The following TSG101 variants were observed in gnomAD, a reference collection of about 807,000 sequenced individuals.
TSG101 encodes the protein tumor susceptibility gene 101 protein.
TSG101 carries 19 observed loss-of-function variants against 48.5 expected under a neutral mutation model. The ratio of observed to expected loss-of-function variants is 0.39; its 90% confidence interval spans 0.27 to 0.58. The LOEUF (loss-of-function observed/expected upper bound fraction) is 0.58, where lower values mean the gene tolerates loss of function less well. Ranked by LOEUF, TSG101 falls within the 20% of genes least tolerant of loss-of-function variation. The pLI is 0.55. For missense variants in TSG101, 365 were observed against 484.4 expected, an observed-to-expected ratio of 0.75 and a Z score of 2.31; for synonymous variants, 174 against 169.4, an observed-to-expected ratio of 1.03 and a Z score of -0.21.
At chr11:18,494,749 A>C (rs1447618784) in intron 7 of TSG101, among the ~76,000 whole-genome samples, 1 of 152,196 alleles carries the variant, frequency 6.6e-6, no homozygotes, top group Non-Finnish European at 1.5e-5. Context: ...GCAAGCGTGC[A>C]CTAGTAAACC....
intron 1 of TSG101, among the ~76,000 whole-genome samples, chr11:18,522,980 C>A (rs982560985): frequency 1.3e-5 from 2 of 152,184 alleles, no homozygotes; most frequent in East Asian, 1.9e-4. Flanking sequence ...ACCTCAAACT[C>A]CTGGGCTCAA....
intron 9 of TSG101, 136 bp from the exon 10 acceptor site, chr11:18,480,771 T>C: frequency 3.0e-6 from 2 of 677,476 alleles, no homozygotes; most frequent in East Asian, 2.8e-5. Flanking sequence ...GAATACCTCA[T>C]TATATGTGGC....
At chr11:18,508,216 G>A (rs1850007904) in intron 5 of TSG101, among the ~76,000 whole-genome samples, 1 of 147,672 alleles carries the variant, frequency 6.8e-6, no homozygotes, top group African/African-American at 2.5e-5. Context: ...GGAAATATTT[G>A]ATATCTTTTT....
intron 4 of TSG101, among the ~76,000 whole-genome samples, chr11:18,512,014 TATC>T (rs1342022794): frequency 1.3e-5 from 2 of 152,164 alleles, no homozygotes; most frequent in African/African-American, 4.8e-5. Flanking sequence ...AAGTTTTAAT[TATC>T]ATACCATTCC....
chr11:18,520,380 T>C (rs1850249853), intron 1 of TSG101, among the ~76,000 whole-genome samples: 1 of 152,092 alleles, frequency 6.6e-6, no homozygotes. Flanking sequence ...TGTGCCATCA[T>C]GCCCAGCTAA....
chr11:18,497,180 C>G (rs1849797557), intron 7 of TSG101, among the ~76,000 whole-genome samples: 1 of 152,060 alleles, frequency 6.6e-6, no homozygotes, highest in African/African-American at 2.4e-5. Context: ...AAATCGTGAC[C>G]ATTGATATAC....
chr11:18,513,095 T>A (rs1378770316), intron 4 of TSG101, among the ~76,000 whole-genome samples: 2 of 152,098 alleles, frequency 1.3e-5, no homozygotes, highest in Non-Finnish European at 2.9e-5. Context: ...GTTCTTCCAG[T>A]GGTGCCAACT....
At chr11:18,481,464 T>C (rs1163928734) in intron 9 of TSG101, 166 bp downstream of exon 9, 3 of 1,420,390 alleles carry the variant, frequency 2.1e-6, no homozygotes, top group Admixed American at 2.9e-5. Flanking sequence ...CTCAGTACTC[T>C]GTAGGTAAAA....
At chr11:18,507,348 G>T (rs1454812613) in intron 5 of TSG101, among the ~76,000 whole-genome samples, 1 of 152,114 alleles carries the variant, frequency 6.6e-6, no homozygotes, top group African/African-American at 2.4e-5. Context: ...AGCTGATTTT[G>T]TTGGTTTAAA....
chr11:18,482,716 C>G (rs1849559761), intron 8 of TSG101, among the ~76,000 whole-genome samples: 1 of 152,168 alleles, frequency 6.6e-6, no homozygotes, highest in Admixed American at 6.5e-5. Flanking sequence ...TTTAGCCAAC[C>G]AAGTATCTCT....
chr11:18,483,783 T>A, intron 8 of TSG101, 87 bp downstream of exon 8: 1 of 1,410,258 alleles, frequency 7.1e-7, no homozygotes, highest in Non-Finnish European at 9.9e-7. Flanking sequence ...ACTCCTACTA[T>A]GCCCACAACA....
chr11:18,485,543 C>CT (rs1849607732), intron 7 of TSG101, among the ~76,000 whole-genome samples: 1 of 152,086 alleles, frequency 6.6e-6, no homozygotes, highest in African/African-American at 2.4e-5. Flanking sequence ...TTAGAATGTG[C>CT]TTTTTTGGAA....
intron 7 of TSG101, among the ~76,000 whole-genome samples, chr11:18,496,945 G>A (rs1218386310): frequency 3.9e-5 from 6 of 151,992 alleles, no homozygotes; most frequent in African/African-American, 1.5e-4. Flanking sequence ...ATAAAAATTA[G>A]CCGGGTGTGG....
chr11:18,501,705 T>C (rs954098229), intron 7 of TSG101, among the ~76,000 whole-genome samples: 1 of 152,224 alleles, frequency 6.6e-6, no homozygotes, highest in African/African-American at 2.4e-5. Flanking sequence ...CTTTGGGTAA[T>C]ATAGTCATTT....
intron 6 of TSG101, among the ~76,000 whole-genome samples, chr11:18,504,241 G>A (rs1241206652): frequency 6.6e-6 from 1 of 150,588 alleles, no homozygotes; most frequent in African/African-American, 2.4e-5. Flanking sequence ...GGACACTGGA[G>A]CAAGAGCTCC....
At chr11:18,524,293 T>C (rs1375844646) in intron 1 of TSG101, among the ~76,000 whole-genome samples, 3 of 152,218 alleles carry the variant, frequency 2.0e-5, no homozygotes, top group Admixed American at 1.3e-4. Context: ...ATGTTGAAGT[T>C]GGGAGCTAAG....
chr11:18,520,759 G>A (rs1231887427), intron 1 of TSG101, among the ~76,000 whole-genome samples: 4 of 152,160 alleles, frequency 2.6e-5, no homozygotes, highest in African/African-American at 4.8e-5. Flanking sequence ...CCGGCCAGGC[G>A]TGGTGGCTTA....
chr11:18,482,207 G>A (rs889581699), intron 8 of TSG101, among the ~76,000 whole-genome samples: 16 of 152,162 alleles, frequency 1.1e-4, no homozygotes, highest in African/African-American at 2.2e-4. Context: ...ATCATAAGAG[G>A]TTTTTCTTCC....
At chr11:18,484,399 G>A (rs753347606) in intron 7 of TSG101, among the ~76,000 whole-genome samples, 8 of 152,076 alleles carry the variant, frequency 5.3e-5, no homozygotes, top group Non-Finnish European at 8.8e-5. Context: ...ACCAACAAAT[G>A]GCACAATAAT....
Sources: gnomAD v4.1 joint callset for allele counts (sites outside exome capture counted in the v4.1 genomes callset) on GRCh38, gnomAD v4.1.1 for gene constraint, MANE v1.5 for transcripts, NCBI Gene and HGNC (gene_info 2026-07-23, HGNC 2026-07-21) for gene names.